The following PTPRN2 variants were observed in gnomAD, a reference collection of about 807,000 sequenced individuals.
PTPRN2 encodes protein tyrosine phosphatase receptor type N2, also known as receptor-type tyrosine-protein phosphatase N2.
A neutral mutation model predicts 118.8 loss-of-function variants in PTPRN2; 74 were observed. The ratio of observed to expected loss-of-function variants is 0.62; its 90% CI spans 0.52 to 0.76. PTPRN2 has a LOEUF of 0.76. Among genes scored for constraint, PTPRN2 ranks in the 30% least tolerant of loss-of-function variants. The probability of loss-of-function intolerance (pLI) is 0.00; values close to 1 mark genes in which losing one functional copy is unlikely to be tolerated. For synonymous variants in PTPRN2, 641 were observed against 608.0 expected (o/e 1.05, Z -0.80); for missense variants, 1,481 against 1,394.4 (o/e 1.06, Z -0.99).
intron 19 of PTPRN2, 47 bp downstream of exon 19, chr7:157,576,566 C>CCG: frequency 6.5e-7 from 1 of 1,537,428 alleles, no homozygotes. Context: ...CTCCCCTGTG[C>CCG]CGCGCGCTCA....
At chr7:157,842,607 G>A (rs1042825687) in intron 12 of PTPRN2, among the ~76,000 whole-genome samples, 9 of 151,922 alleles carry the variant, frequency 5.9e-5, no homozygotes, top group Non-Finnish European at 1.2e-4. Flanking sequence ...TAGAGATGGG[G>A]TTTCACCATG....
intron 12 of PTPRN2, chr7:157,740,605 A>C (rs1800581246): frequency 1.3e-5 from 2 of 152,288 alleles, no homozygotes; most frequent in South Asian, 4.1e-4. Context: ...GGAAACACAC[A>C]GAGCAACTGA....
chr7:158,453,323 C>T (rs549409796), intron 2 of PTPRN2, among the ~76,000 whole-genome samples: 3 of 45,708 alleles, frequency 6.6e-5, no homozygotes, highest in South Asian at 1.5e-3. Context: ...CAGTCCTCAC[C>T]GTATGGTGCA....
At chr7:158,410,072 G>A (rs920014812) in intron 2 of PTPRN2, among the ~76,000 whole-genome samples, 9 of 152,190 alleles carry the variant, frequency 5.9e-5, no homozygotes, top group African/African-American at 1.7e-4. Context: ...TTCCTCCTAC[G>A]GCTGCAGGCA....
intron 11 of PTPRN2, among the ~76,000 whole-genome samples, chr7:158,071,140 CGTG>C (rs1246190268): frequency 7.6e-5 from 3 of 39,294 alleles, no homozygotes; most frequent in Non-Finnish European, 1.3e-4. Context: ...TGGAGGTGCT[CGTG>C]GTGGTGGAGG....
chr7:157,984,929 T>G (rs2128836181), intron 11 of PTPRN2, among the ~76,000 whole-genome samples: 1 of 152,298 alleles, frequency 6.6e-6, no homozygotes, highest in Middle Eastern at 3.4e-3. Flanking sequence ...AGAGGCCTCC[T>G]GGCTTCCCCA....
chr7:158,528,630 C>CA lies in PTPRN2; in HGVS notation c.113-38846dup, dbSNP rs61207351. ...TGAAACCCCGTCTCTACTAAAAATA[C>CA]AAAAAAAAAAAAAATTAGCCAGGTG... On this transcript the variant is annotated intron_variant, in intron 1 of 22. Coordinates refer to ENST00000389418, the MANE Select transcript of PTPRN2 (RefSeq NM_002847.5). Among the ~76,000 whole-genome samples, 655 of 135,224 alleles carry CA rather than the reference C, an allele frequency of 4.8e-3. 6 individuals carry two copies. Among genetic ancestry groups the CA allele is most frequent in the East Asian group, 0.019 (89 of 4,736 alleles). The allele number at this position is 135,224 out of a possible 152,430, so 88.7% of individuals were successfully genotyped here.
chr7:157,820,378 A>G (rs1806748210), intron 12 of PTPRN2, among the ~76,000 whole-genome samples: 1 of 142,694 alleles, frequency 7.0e-6, no homozygotes, highest in Admixed American at 7.1e-5. Flanking sequence ...AGACCCATAT[A>G]TATGCATATT....
intron 14 of PTPRN2, among the ~76,000 whole-genome samples, chr7:157,652,702 TC>T (rs1805745930): frequency 1.3e-5 from 2 of 152,154 alleles, no homozygotes; most frequent in African/African-American, 4.8e-5. Context: ...ACCAGCCTCT[TC>T]CTGGTGACAC....
At chr7:157,995,389 G>A (rs928696890) in intron 11 of PTPRN2, among the ~76,000 whole-genome samples, 25 of 152,230 alleles carry the variant, frequency 1.6e-4, no homozygotes, top group Middle Eastern at 6.8e-3. Context: ...GCTTACAAAC[G>A]CTGTGTCACA....
intron 3 of PTPRN2, among the ~76,000 whole-genome samples, chr7:158,308,370 A>C (rs1469997047): frequency 1.3e-5 from 2 of 152,236 alleles, no homozygotes; most frequent in Admixed American, 1.3e-4. Context: ...GGCAAAAATG[A>C]AAGGACATTA....
At chr7:157,709,679 G>A (rs1012221283) in intron 12 of PTPRN2, among the ~76,000 whole-genome samples, 5 of 152,362 alleles carry the variant, frequency 3.3e-5, no homozygotes, top group Non-Finnish European at 4.4e-5. Flanking sequence ...GGTTTAACAC[G>A]CCTGCTCCAG....
At chr7:157,877,111 C>T (rs530711472) in intron 12 of PTPRN2, among the ~76,000 whole-genome samples, 62 of 138,838 alleles carry the variant, frequency 4.5e-4, no homozygotes, top group Non-Finnish European at 7.9e-4. Flanking sequence ...AGGGTTTCCT[C>T]GGGGACCCCG....
At chr7:158,528,292 C>A (rs1306638404) in intron 1 of PTPRN2, among the ~76,000 whole-genome samples, 1 of 152,156 alleles carries the variant, frequency 6.6e-6, no homozygotes, top group Non-Finnish European at 1.5e-5. Context: ...GCCTGGGCAG[C>A]CTCCAGATGC....
At chr7:158,146,708 G>A (rs752916211) in intron 6 of PTPRN2, among the ~76,000 whole-genome samples, 4 of 142,172 alleles carry the variant, frequency 2.8e-5, no homozygotes, top group Non-Finnish European at 4.6e-5. Flanking sequence ...GCGACAGAGC[G>A]AGACTCTGCC....
At chr7:158,378,369 G>A (rs1284836504) in intron 2 of PTPRN2, among the ~76,000 whole-genome samples, 1 of 152,144 alleles carries the variant, frequency 6.6e-6, no homozygotes, top group Admixed American at 6.5e-5. Flanking sequence ...GGTGCAGGAG[G>A]GCCCTGGACC....
chr7:157,613,847 C>T (rs1342708225), intron 15 of PTPRN2, among the ~76,000 whole-genome samples: 1 of 152,200 alleles, frequency 6.6e-6, no homozygotes, highest in Non-Finnish European at 1.5e-5. Context: ...CCTGCGGCCC[C>T]CCCACAGTGT....
At chr7:157,786,997 A>C (rs886170251) in intron 12 of PTPRN2, among the ~76,000 whole-genome samples, 14 of 151,982 alleles carry the variant, frequency 9.2e-5, no homozygotes, top group Admixed American at 7.2e-4. Flanking sequence ...AGCCTGGGAC[A>C]GCTTGAGGGG....
intron 12 of PTPRN2, among the ~76,000 whole-genome samples, chr7:157,875,225 C>T (rs1795681491): frequency 6.6e-6 from 1 of 152,200 alleles, no homozygotes; most frequent in South Asian, 2.1e-4. Flanking sequence ...TCCTAAAGGG[C>T]TTGGAAACGG....
Sources: gnomAD v4.1 joint callset for allele counts (sites outside exome capture counted in the v4.1 genomes callset) on GRCh38, gnomAD v4.1.1 for gene constraint, MANE v1.5 for transcripts, NCBI Gene and HGNC (gene_info 2026-07-23, HGNC 2026-07-21) for gene names.